USP6: variants seen among roughly 807,000 people sequenced by gnomAD.
The protein encoded by USP6 is ubiquitin carboxyl-terminal hydrolase 6.
USP6 carries 128 observed loss-of-function variants against 175.7 expected under a neutral mutation model. The ratio of observed to expected loss-of-function variants is 0.73; its 90% CI spans 0.63 to 0.84. The LOEUF (loss-of-function observed/expected upper bound fraction) is 0.84. Among genes scored for constraint, USP6 ranks in the 40% least tolerant of loss-of-function variants. The pLI is 0.00. For missense variants in USP6, 1,498 were observed against 1,760.3 expected, an observed-to-expected ratio of 0.85 and a Z score of 2.67; for synonymous variants, 562 against 630.6, an observed-to-expected ratio of 0.89 and a Z score of 1.63.
intron 36 of USP6, 116 bp downstream of exon 36, chr17:5,171,031 T>A: frequency 7.8e-7 from 1 of 1,288,534 alleles, no homozygotes; most frequent in Non-Finnish European, 1.1e-6. Flanking sequence ...TTGAGCTTAG[T>A]GATAGACAAA....
intron 32 of USP6, among the ~76,000 whole-genome samples, chr17:5,161,879 G>A (rs757059816): frequency 6.6e-6 from 1 of 152,236 alleles, no homozygotes; most frequent in South Asian, 2.1e-4. Context: ...GGGCATGGTG[G>A]TGTGTGCCTG....
At chr17:5,139,990 A>G (rs1407361964) in intron 22 of USP6, among the ~76,000 whole-genome samples, 1 of 152,028 alleles carries the variant, frequency 6.6e-6, no homozygotes, top group African/African-American at 2.4e-5. Context: ...TGCAGCTTGA[A>G]AGACATGCAC....
intron 37 of USP6, 40 bp from the exon 38 acceptor site, chr17:5,172,764 TA>T: frequency 5.0e-6 from 8 of 1,609,866 alleles, no homozygotes; most frequent in Non-Finnish European, 6.8e-6. Context: ...AGAGTCATAA[TA>T]GTGATGGCTT....
intron 31 of USP6, among the ~76,000 whole-genome samples, chr17:5,158,656 A>G (rs1412826134): frequency 3.4e-5 from 5 of 148,324 alleles, no homozygotes; most frequent in Admixed American, 2.7e-4. Flanking sequence ...AGAGAGAGAG[A>G]GAGAGAGAGA....
chr17:5,126,529 G>C (rs188955815), intron 6 of USP6, among the ~76,000 whole-genome samples: 5 of 152,282 alleles, frequency 3.3e-5, no homozygotes, highest in Admixed American at 2.6e-4. Flanking sequence ...CTGGGATCAA[G>C]AGTAACTCGA....
At chr17:5,162,817 T>G (rs1393224071) in intron 32 of USP6, 67 bp from the exon 33 acceptor site, 2 of 1,563,878 alleles carry the variant, frequency 1.3e-6, no homozygotes, top group East Asian at 2.3e-5. Context: ...GAGAATATTT[T>G]TTATTAAGAA....
At chr17:5,149,718 C>G (rs1347699660) in intron 30 of USP6, among the ~76,000 whole-genome samples, 2 of 151,468 alleles carry the variant, frequency 1.3e-5, no homozygotes, top group African/African-American at 4.9e-5. Context: ...TTAGAGGACA[C>G]AAGAATGTTC....
intron 31 of USP6, among the ~76,000 whole-genome samples, chr17:5,160,464 G>A (rs1159310194): frequency 1.3e-5 from 2 of 151,908 alleles, no homozygotes; most frequent in Admixed American, 6.6e-5. Context: ...CTTATATTTC[G>A]ATAATATGTA....
intron 11 of USP6, among the ~76,000 whole-genome samples, chr17:5,131,740 G>A (rs1423029221): frequency 6.6e-6 from 1 of 151,704 alleles, no homozygotes; most frequent in African/African-American, 2.4e-5. Context: ...GGCCAGGTAA[G>A]AGGAGCCCAG....
intron 21 of USP6, 100 bp from the exon 22 acceptor site, chr17:5,139,155 G>C (rs2073360814): frequency 6.3e-7 from 1 of 1,598,058 alleles, no homozygotes; most frequent in Non-Finnish European, 8.5e-7. Flanking sequence ...GGGCCACACA[G>C]AGACCCCAAG....
intron 8 of USP6, chr17:5,129,362 C>G (rs1457736004): frequency 6.6e-6 from 1 of 152,436 alleles, no homozygotes; most frequent in Non-Finnish European, 1.5e-5. Flanking sequence ...AGGGAAGGGT[C>G]CTCAGAACAC....
At position 5,135,213 on chromosome 17, in the gene USP6, C is replaced by A. The variant is rs763500738; in HGVS notation, c.495-21C>A. The A allele has an allele frequency of 6.2e-6, 10 of 1,611,686 alleles. No homozygotes were observed. In the South Asian group the frequency reaches 1.1e-4, roughly 18 times the overall value. ...AGCATCTGCACAAACCAAACCATAG[C>A]CCCCTTTCTGTGTTTCCTAGGCAGA... On this transcript the variant is annotated intron_variant, in intron 15 of 37. Transcript: ENST00000574788.
At chr17:5,154,105 A>G (rs922232276) in intron 30 of USP6, among the ~76,000 whole-genome samples, 3 of 152,220 alleles carry the variant, frequency 2.0e-5, no homozygotes, top group Non-Finnish European at 2.9e-5. Context: ...ATTTTGTGAA[A>G]TATTTGTACT....
Position 5,155,295 on chromosome 17 carries a change from T to G in USP6, c.2644-127T>G, listed in dbSNP as rs1010867734. The G allele has an allele frequency of 4.4e-6, 5 of 1,143,898 alleles. No homozygotes were observed. In the African/African-American group the frequency reaches 6.3e-5, roughly 14 times the overall value. 70.9% of individuals were successfully genotyped at this position (1,143,898 alleles called of 1,614,324 possible). On this transcript the variant is annotated intron_variant, in intron 30 of 37. Coordinates refer to ENST00000574788, the MANE Select transcript of USP6 (RefSeq NM_001304284.2). The stretch of plus-strand genomic sequence containing the variant: ...GTCAATAAAGATGGTTTTATAAACA[T>G]AGAGAAGAATGTGATAGTGACTAAT...
intron 31 of USP6, among the ~76,000 whole-genome samples, chr17:5,156,823 A>G (rs1164123115): frequency 1.4e-5 from 2 of 146,090 alleles, no homozygotes; most frequent in African/African-American, 5.1e-5. Flanking sequence ...CTCCGCCTCC[A>G]GGTTCAAGTG....
chr17:5,132,502 A>C lies in USP6; in HGVS notation c.195+67A>C. On this transcript the variant is annotated intron_variant, in intron 12 of 37. Coordinates refer to ENST00000574788, the MANE Select transcript of USP6 (RefSeq NM_001304284.2). The surrounding 1 kb of genome is among the most constrained non-coding windows in gnomAD (Gnocchi z 4.7). ...GGACTGGGCGGGTGGTCAGTGAGGC[A>C]GAGGAAGCAGCTGGCCTGGGCGGTG... The C allele has an allele frequency of 6.2e-7, 1 of 1,611,656 alleles. No individual in the cohort carries two copies. The highest frequency in any genetic ancestry group is 1.1e-5 in the South Asian group (1 of 90,974).
At chr17:5,133,587 G>A (rs566945273) in intron 14 of USP6, 37 bp downstream of exon 14, 75 of 1,566,216 alleles carry the variant, frequency 4.8e-5, no homozygotes, top group Middle Eastern at 2.3e-4. Context: ...AGGACAGGCC[G>A]TGTCAGGGGC....
chr17:5,164,529 A>G (rs1204142037), intron 33 of USP6, among the ~76,000 whole-genome samples: 1 of 152,266 alleles, frequency 6.6e-6, no homozygotes, highest in Non-Finnish European at 1.5e-5. Flanking sequence ...ATTTGGCTCT[A>G]TAAATCTCTT....
intron 17 of USP6, 147 bp downstream of exon 17, chr17:5,136,075 A>T: frequency 6.8e-7 from 1 of 1,469,664 alleles, no homozygotes; most frequent in Non-Finnish European, 9.1e-7. Flanking sequence ...AGGGTCCCAC[A>T]GGAGTCCGCA....
Sources: gnomAD v4.1 joint callset for allele counts (sites outside exome capture counted in the v4.1 genomes callset) on GRCh38, gnomAD v4.1.1 for gene constraint, Gnocchi (gnomAD v3.1) non-coding constraint, MANE v1.5 for transcripts, NCBI Gene and HGNC (gene_info 2026-07-23, HGNC 2026-07-21) for gene names.